The following PKNOX2 variants were observed in gnomAD, a reference collection of about 807,000 sequenced individuals.
PKNOX2 encodes the protein homeobox protein PKNOX2.
PKNOX2 carries 14 observed loss-of-function variants against 53.1 expected under a neutral mutation model. That is an observed-to-expected ratio of 0.26 (90% CI 0.17 to 0.41). The LOEUF (loss-of-function observed/expected upper bound fraction) is 0.41, where lower values mean the gene tolerates loss of function less well. PKNOX2 is among the 10% of genes least tolerant of loss of function. The pLI is 1.00. For missense variants in PKNOX2, 496 were observed against 602.8 expected, an observed-to-expected ratio of 0.82 and a Z score of 1.85; for synonymous variants, 257 against 242.8, an observed-to-expected ratio of 1.06 and a Z score of -0.54.
At chr11:125,201,829 G>A (rs1938473537) in intron 1 of PKNOX2, among the ~76,000 whole-genome samples, 1 of 152,098 alleles carries the variant, frequency 6.6e-6, no homozygotes, top group African/African-American at 2.4e-5. Context: ...TTTCCTGCTG[G>A]GTAGGCATTT....
rs1591561733 is a variant in PKNOX2, at chr11:125,410,050, A to G, written c.589-146A>G. 7.5e-6 allele frequency: 8 copies of G among 1,068,010 alleles called. No homozygotes were observed. In the East Asian group the frequency reaches 1.8e-4, roughly 24 times the overall value. The allele number at this position is 1,068,010 out of a possible 1,614,324, so 66.2% of individuals were successfully genotyped here. A position where few individuals can be genotyped will look rare whatever the true frequency, so the allele number is the denominator to read the frequency against. On this transcript the variant is annotated intron_variant, in intron 7 of 12. Transcript: ENST00000298282. The stretch of plus-strand genomic sequence containing the variant: ...TTCACCCTTTCTAGGAAACCAAGAG[A>G]GTTGCCTTCTGGACCTGGGTCTGGG...
At chr11:125,212,596 C>T (rs1052139195) in intron 1 of PKNOX2, among the ~76,000 whole-genome samples, 3 of 151,426 alleles carry the variant, frequency 2.0e-5, no homozygotes, top group South Asian at 2.1e-4. Flanking sequence ...TGTCAGAGCT[C>T]GGTGTTGCCA....
At chr11:125,190,414 C>T (rs1057232507) in intron 1 of PKNOX2, among the ~76,000 whole-genome samples, 2 of 152,210 alleles carry the variant, frequency 1.3e-5, no homozygotes, top group East Asian at 3.8e-4. Flanking sequence ...TCTCTGATGT[C>T]CATACTTGTG....
chr11:125,364,103 C>CA (rs1415021505), intron 4 of PKNOX2, among the ~76,000 whole-genome samples: 4 of 152,160 alleles, frequency 2.6e-5, no homozygotes, highest in Middle Eastern at 3.2e-3. Flanking sequence ...TAACTTCCCC[C>CA]AAAAAAACTT....
chr11:125,339,165 T>G (rs1322717637), intron 3 of PKNOX2, among the ~76,000 whole-genome samples: 1 of 152,010 alleles, frequency 6.6e-6, no homozygotes, highest in Non-Finnish European at 1.5e-5. Flanking sequence ...CCCGAGCCAG[T>G]GGGAGGTAGA....
intron 4 of PKNOX2, among the ~76,000 whole-genome samples, chr11:125,366,385 T>C (rs1591544093): frequency 6.6e-6 from 1 of 152,208 alleles, no homozygotes; most frequent in African/African-American, 2.4e-5. Context: ...ATTTCTTTTA[T>C]AGTCTCAACC....
At chr11:125,270,976 C>T (rs1945751101) in intron 2 of PKNOX2, among the ~76,000 whole-genome samples, 1 of 152,116 alleles carries the variant, frequency 6.6e-6, no homozygotes, top group Non-Finnish European at 1.5e-5. Flanking sequence ...TTGGCTAGGA[C>T]CAAAGATGCT....
intron 1 of PKNOX2, among the ~76,000 whole-genome samples, chr11:125,194,690 T>G (rs967583580): frequency 2.0e-5 from 3 of 152,210 alleles, no homozygotes; most frequent in Non-Finnish European, 4.4e-5. Flanking sequence ...AACTGCTTGC[T>G]GCTGCAGTGC....
chr11:125,167,364 C>T (rs1486427961), intron 1 of PKNOX2, among the ~76,000 whole-genome samples: 1 of 152,182 alleles, frequency 6.6e-6, no homozygotes, highest in Non-Finnish European at 1.5e-5. Flanking sequence ...GCCTCGGCGG[C>T]CCGGGGCGCG....
At chr11:125,341,079 C>T (rs57288179) in intron 3 of PKNOX2, among the ~76,000 whole-genome samples, 4,860 of 144,746 alleles carry the variant, frequency 0.034, 279 homozygotes, top group African/African-American at 0.12. Context: ...AAAAGTAAGC[C>T]GGCCAGGCAC....
At chr11:125,177,766 G>A (rs1200734089) in intron 1 of PKNOX2, among the ~76,000 whole-genome samples, 6 of 152,138 alleles carry the variant, frequency 3.9e-5, no homozygotes, top group Admixed American at 6.5e-5. Flanking sequence ...GGGCCTCTCT[G>A]GGGAGCACAG....
At chr11:125,428,004 C>T (rs1337235158) in intron 10 of PKNOX2, among the ~76,000 whole-genome samples, 1 of 152,222 alleles carries the variant, frequency 6.6e-6, no homozygotes, top group Non-Finnish European at 1.5e-5. Context: ...TTCCCCACCA[C>T]TGCATTTCTC....
chr11:125,351,415 C>G (rs772905172), intron 4 of PKNOX2, 23 bp downstream of exon 4: 2 of 1,496,588 alleles, frequency 1.3e-6, no homozygotes, highest in African/African-American at 2.7e-5. Flanking sequence ...GGGCCGCTGC[C>G]TCCCACCACG....
In PKNOX2 at chr11:125,385,711, C is replaced by G. The variant is rs750414555; in HGVS notation, c.388C>G (p.Leu130Val). Residue 130 changes from leucine to valine, a missense_variant, in exon 6 of 13, where the codon CTG becomes GTG. By Grantham distance (32) the Leu-to-Val change is conservative. Around this residue, in one of 5 missense-constraint regions of PKNOX2, gnomAD observed 168 missense variants for 178.4 expected, o/e 0.94. Transcript: ENST00000298282. ...HKPFFSDDPE[L>V]DNLMVKAIQV... ...ACCCTTCTTCAGCGATGACCCAGAA[C>G]TGGACAATCTGGTAAAGACCCTCCA... 10 of 1,613,598 alleles carry G rather than the reference C, an allele frequency of 6.2e-6. No individual in the cohort carries two copies. In the African/African-American group the frequency reaches 1.3e-4, roughly 22 times the overall value.
At chr11:125,182,886 T>G (rs1956231360) in intron 1 of PKNOX2, among the ~76,000 whole-genome samples, 1 of 152,218 alleles carries the variant, frequency 6.6e-6, no homozygotes, top group South Asian at 2.1e-4. Context: ...GCCAGAATCC[T>G]GGGGCTTTAA....
chr11:125,302,208 G>A (rs1006206791), intron 2 of PKNOX2, among the ~76,000 whole-genome samples: 45 of 152,204 alleles, frequency 3.0e-4, no homozygotes, highest in African/African-American at 1.1e-3. Flanking sequence ...CTGCAGCATC[G>A]CAGGCAAAGA....
At chr11:125,206,422 A>G (rs540992601) in intron 1 of PKNOX2, among the ~76,000 whole-genome samples, 2 of 152,188 alleles carry the variant, frequency 1.3e-5, no homozygotes, top group East Asian at 3.9e-4. Context: ...TGTGTGTGCA[A>G]AAAGTAAGCA....
chr11:125,311,737 T>G (rs570350177), intron 2 of PKNOX2, among the ~76,000 whole-genome samples: 1 of 152,286 alleles, frequency 6.6e-6, no homozygotes, highest in South Asian at 2.1e-4. Context: ...TGTCAAGTTT[T>G]CTGTTCTACC....
rs184750022 is a variant in PKNOX2, at chr11:125,283,970, T to A, written c.-129-47849T>A. On this transcript the variant is annotated intron_variant, in intron 2 of 12. Transcript: ENST00000298282. The stretch of plus-strand genomic sequence containing the variant: ...AAGTGATATAACATGGCAATTAAGA[T>A]CATTGGTTCTGAGAGTCACTAAGAT... Among the ~76,000 whole-genome samples, 3 of 152,276 alleles carry A rather than the reference T, an allele frequency of 2.0e-5. No homozygotes were observed. In the East Asian group the frequency reaches 5.8e-4, roughly 29 times the overall value.
Sources: gnomAD v4.1 joint callset for allele counts (sites outside exome capture counted in the v4.1 genomes callset) on GRCh38, gnomAD v4.1.1 for gene constraint, gnomAD v4.1.1 regional missense constraint, MANE v1.5 for transcripts, NCBI Gene and HGNC (gene_info 2026-07-23, HGNC 2026-07-21) for gene names.